The following RASSF3 variants were observed in gnomAD, a reference collection of about 807,000 sequenced individuals.
RASSF3 encodes the protein Ras association domain family member 3.
In RASSF3, 19 loss-of-function variants were observed where a neutral mutation model predicts 19.9. The observed-to-expected ratio is 0.96, with a 90% CI of 0.67 to 1.40. RASSF3 has a LOEUF of 1.40. Ranked by LOEUF, RASSF3 falls within the 40% of genes most tolerant of loss-of-function variation. RASSF3 has a pLI of 0.00. For missense variants in RASSF3, 306 were observed against 289.8 expected, an observed-to-expected ratio of 1.06 and a Z score of -0.41; for synonymous variants, 110 against 104.2, an observed-to-expected ratio of 1.06 and a Z score of -0.34.
At chr12:64,515,063 A>T (rs890838893) in intron 1 of RASSF3, among the ~76,000 whole-genome samples, 26 of 149,578 alleles carry the variant, frequency 1.7e-4, no homozygotes, top group Non-Finnish European at 3.3e-4. Flanking sequence ...ATTTTTATTT[A>T]TTTTTTTCTT....
At chr12:64,638,579 C>CAAA (rs544521268) in intron 1 of RASSF3, among the ~76,000 whole-genome samples, 1,405 of 111,496 alleles carry the variant, frequency 0.013, 37 homozygotes, top group African/African-American at 0.045. Context: ...GACTCCGTCT[C>CAAA]AAAAAAAAAA....
At chr12:64,671,767 C>T (rs895866470) in intron 1 of RASSF3, among the ~76,000 whole-genome samples, 2 of 152,228 alleles carry the variant, frequency 1.3e-5, no homozygotes, top group Admixed American at 6.5e-5. Flanking sequence ...GGGCCCATGC[C>T]GTGCCTGTAC....
upstream of RASSF3, among the ~76,000 whole-genome samples, chr12:64,606,649 T>C (rs1353040837): frequency 6.6e-6 from 1 of 152,104 alleles, no homozygotes; most frequent in Non-Finnish European, 1.5e-5. Flanking sequence ...ACCCTGTCTC[T>C]ACTAAAAATA....
downstream of RASSF3, among the ~76,000 whole-genome samples, chr12:64,546,183 C>T (rs1592396619): frequency 1.3e-5 from 2 of 151,192 alleles, no homozygotes; most frequent in South Asian, 2.1e-4. Flanking sequence ...GATAATGATA[C>T]GTACTTCATA....
intron 2 of RASSF3, among the ~76,000 whole-genome samples, chr12:64,600,857 A>G (rs924476639): frequency 1.3e-5 from 2 of 152,170 alleles, no homozygotes; most frequent in Non-Finnish European, 1.5e-5. Context: ...TGATTCGATT[A>G]CTATGGGAAA....
At chr12:64,536,558 A>T (rs893510411) in intron 1 of RASSF3, among the ~76,000 whole-genome samples, 2 of 152,204 alleles carry the variant, frequency 1.3e-5, no homozygotes. Context: ...TAACATAATA[A>T]CTTTATTCTA....
intron 2 of RASSF3, among the ~76,000 whole-genome samples, chr12:64,595,349 T>C (rs924109968): frequency 1.3e-5 from 2 of 152,132 alleles, no homozygotes; most frequent in Admixed American, 6.6e-5. Context: ...ATTACAGGCA[T>C]GAGTCACTGC....
At chr12:64,629,659 T>C (rs1871106017) in intron 1 of RASSF3, among the ~76,000 whole-genome samples, 1 of 151,352 alleles carries the variant, frequency 6.6e-6, no homozygotes, top group African/African-American at 2.4e-5. Context: ...TGAAAATGAG[T>C]GTTGTATAAA....
chr12:64,665,890 C>A (rs1032736949), intron 1 of RASSF3, among the ~76,000 whole-genome samples: 1 of 152,194 alleles, frequency 6.6e-6, no homozygotes, highest in Non-Finnish European at 1.5e-5. Flanking sequence ...GCCTGCCCTT[C>A]ATCAATAGCA....
intron 1 of RASSF3, among the ~76,000 whole-genome samples, chr12:64,655,802 G>A (rs1260124160): frequency 1.4e-4 from 22 of 151,930 alleles, no homozygotes; most frequent in Non-Finnish European, 4.4e-5. Flanking sequence ...CGAGGCGGGC[G>A]GATCACGTGA....
intron 2 of RASSF3, among the ~76,000 whole-genome samples, chr12:64,569,489 A>G (rs1277146798): frequency 6.6e-6 from 1 of 152,230 alleles, no homozygotes; most frequent in Admixed American, 6.5e-5. Context: ...GAACGTTGCC[A>G]TGAGTTACAA....
chr12:64,676,673 G>A (rs1418698761), intron 1 of RASSF3, among the ~76,000 whole-genome samples: 2 of 151,666 alleles, frequency 1.3e-5, no homozygotes, highest in African/African-American at 4.8e-5. Flanking sequence ...GTTTCACCAT[G>A]TTGGCCACGC....
At chr12:64,686,795 C>T (rs1178930168) in intron 2 of RASSF3, among the ~76,000 whole-genome samples, 1 of 152,048 alleles carries the variant, frequency 6.6e-6, no homozygotes, top group African/African-American at 2.4e-5. Flanking sequence ...CCACTGCACT[C>T]CAGCCTGGGT....
intron 1 of RASSF3, among the ~76,000 whole-genome samples, chr12:64,627,601 T>C (rs1871038625): frequency 6.6e-6 from 1 of 152,174 alleles, no homozygotes; most frequent in Non-Finnish European, 1.5e-5. Flanking sequence ...GACCACCTGG[T>C]TTTCATCTGA....
chr12:64,628,039 C>T (rs1871050933), intron 1 of RASSF3, among the ~76,000 whole-genome samples: 3 of 151,996 alleles, frequency 2.0e-5, no homozygotes, highest in African/African-American at 2.4e-5. Flanking sequence ...TAGGGAGAAC[C>T]CAAGTGAGTT....
At chr12:64,520,555 C>CATATAT (rs66975333) in intron 1 of RASSF3, among the ~76,000 whole-genome samples, 4,221 of 84,288 alleles carry the variant, frequency 0.05, 134 homozygotes, top group Non-Finnish European at 0.06. Context: ...CACATACACA[C>CATATAT]ATATATATAT....
intron 1 of RASSF3, among the ~76,000 whole-genome samples, chr12:64,516,391 G>A (rs894750257): frequency 2.0e-5 from 3 of 151,834 alleles, no homozygotes; most frequent in African/African-American, 4.8e-5. Flanking sequence ...AGGCCGAGGC[G>A]GGCGGATCAC....
intron 1 of RASSF3, among the ~76,000 whole-genome samples, chr12:64,642,559 CAAAAAAAAAAAA>C (rs67771603): frequency 1.4e-3 from 63 of 44,026 alleles, no homozygotes; most frequent in Middle Eastern, 0.017. Flanking sequence ...GACTCCATCT[CAAAAAAAAAAAA>C]AAAAAAAAAA....
chr12:64,647,410 T>TC (rs1285938363), intron 1 of RASSF3, among the ~76,000 whole-genome samples: 3 of 128,700 alleles, frequency 2.3e-5, no homozygotes, highest in Non-Finnish European at 3.6e-5. Context: ...TAATTTTTTT[T>TC]TCTTTTTTTT....
Sources: allele counts gnomAD v4.1 joint callset (sites outside exome capture counted in the v4.1 genomes callset), GRCh38; gene constraint gnomAD v4.1.1; transcripts MANE v1.5; gene names NCBI Gene and HGNC (gene_info 2026-07-23, HGNC 2026-07-21).